PCDHA6: variants seen among roughly 807,000 people sequenced by gnomAD.
PCDHA6 encodes the protein protocadherin alpha-6.
PCDHA6 carries 55 observed loss-of-function variants against 60.3 expected under a neutral mutation model. That is an observed-to-expected ratio of 0.91 (90% CI 0.73 to 1.14). PCDHA6 has a LOEUF of 1.14. PCDHA6 is among the 50% of genes most tolerant of loss of function. The pLI, the probability that PCDHA6 is intolerant of heterozygous loss-of-function variation, is 0.00. For synonymous variants in PCDHA6, 652 were observed against 557.9 expected (o/e 1.17, Z -2.38); for missense variants, 1,327 against 1,256.5 (o/e 1.06, Z -0.85).
Position 140,850,457 on chromosome 5 carries a change from C to T in PCDHA6, c.2394+19972C>T, listed in dbSNP as rs2041615283. On this transcript the variant is annotated intron_variant, in intron 1 of 3. Transcript: ENST00000529310. ...GCCTACTGGTGCTGGTGAAAGACCA[C>T]GGGGAGCCAGCGCTGACGGCCACGG... is the stretch of plus-strand genomic sequence containing the variant. 8.1e-6 allele frequency: 13 copies of T among 1,597,684 alleles called. 1 individual carries two copies. Among genetic ancestry groups the T allele is most frequent in the Non-Finnish European group, 1.1e-5 (13 of 1,167,628 alleles).
At chr5:140,887,249 A>AC (rs1367463344) in intron 1 of PCDHA6, among the ~76,000 whole-genome samples, 3 of 151,838 alleles carry the variant, frequency 2.0e-5, no homozygotes, top group Non-Finnish European at 4.4e-5. Context: ...GGCGCCCGCC[A>AC]CCACGCCCTG....
chr5:140,949,161 C>T (rs2094347975), intron 1 of PCDHA6, among the ~76,000 whole-genome samples: 1 of 151,598 alleles, frequency 6.6e-6, no homozygotes, highest in Admixed American at 6.6e-5. Context: ...TAATCTAATT[C>T]TCTTTTGGTC....
chr5:140,899,606 A>G (rs1330407383), intron 1 of PCDHA6, among the ~76,000 whole-genome samples: 1 of 152,168 alleles, frequency 6.6e-6, no homozygotes, highest in Non-Finnish European at 1.5e-5. Flanking sequence ...GGACTTTTGC[A>G]TCAATGTTCA....
chr5:140,928,185 C>T (rs371901224), intron 1 of PCDHA6: 1 of 1,614,064 alleles, frequency 6.2e-7, no homozygotes, highest in Non-Finnish European at 8.5e-7. Flanking sequence ...GAAGGACAAT[C>T]ACTGTGTCAG....
At chr5:140,951,737 C>T (rs1223539805) in intron 1 of PCDHA6, among the ~76,000 whole-genome samples, 1 of 152,130 alleles carries the variant, frequency 6.6e-6, no homozygotes, top group Non-Finnish European at 1.5e-5. Context: ...CATTCTGCCA[C>T]TGCCCTCACC....
At position 140,828,161 on chromosome 5, in the gene PCDHA6, T is replaced by A; in HGVS notation, c.70T>A (p.Trp24Arg). ...CCTCCCGCTTCTGCTCCTCGCAGCCTGGAAGGTGGGGAGCGGCCAGCTCCA... is the reference window on the plus strand; with the variant it reads ...CCTCCCGCTTCTGCTCCTCGCAGCCAGGAAGGTGGGGAGCGGCCAGCTCCA... ...LLLPLLLLAAWKVGSGQLHYS... is the reference protein window; with the variant it reads ...LLLPLLLLAARKVGSGQLHYS... The change falls in exon 1 of 4, where the codon TGG becomes AGG. Residue 24 changes from tryptophan to arginine, a missense_variant. Trp to Arg is a moderately radical substitution (Grantham distance 101, BLOSUM62 -3). Transcript: ENST00000529310. 1.2e-6 allele frequency: 2 copies of A among 1,614,176 alleles called. No individual in the cohort carries two copies. The highest frequency in any genetic ancestry group is 1.7e-6 in the Non-Finnish European group (2 of 1,180,018).
intron 3 of PCDHA6, among the ~76,000 whole-genome samples, chr5:140,985,288 A>G (rs1007960248): frequency 1.3e-5 from 2 of 152,112 alleles, no homozygotes; most frequent in African/African-American, 4.8e-5. Flanking sequence ...AATCTATGAT[A>G]TAGTGTTGGC....
chr5:140,836,131 G>A (rs1554135629), intron 1 of PCDHA6: 2 of 1,613,752 alleles, frequency 1.2e-6, no homozygotes, highest in Admixed American at 1.7e-5. Context: ...CTTGTGCCGC[G>A]GTCTGTGGGC....
intron 1 of PCDHA6, chr5:140,884,465 G>C (rs782791774): frequency 1.2e-6 from 2 of 1,613,634 alleles, no homozygotes; most frequent in Admixed American, 3.3e-5. Context: ...GGGCGCGTGC[G>C]CGCCGGGCAA....
chr5:140,838,613 A>T (rs1460772587), intron 1 of PCDHA6, among the ~76,000 whole-genome samples: 2 of 152,032 alleles, frequency 1.3e-5, no homozygotes, highest in African/African-American at 4.8e-5. Context: ...ACTTTTAAAA[A>T]TTTTTTACAA....
intron 1 of PCDHA6, among the ~76,000 whole-genome samples, chr5:140,909,331 G>T (rs1162078506): frequency 6.6e-6 from 1 of 152,226 alleles, no homozygotes; most frequent in Admixed American, 6.5e-5. Context: ...ATCAATGGTT[G>T]CATACCAGGT....
chr5:140,838,214 A>C (rs1211623203), intron 1 of PCDHA6, among the ~76,000 whole-genome samples: 1 of 149,876 alleles, frequency 6.7e-6, no homozygotes, highest in Non-Finnish European at 1.5e-5. Context: ...CTCTGGTACA[A>C]GCAGTTCTCA....
chr5:140,997,921 G>T lies in PCDHA6; in HGVS notation c.2543-11706G>T, dbSNP rs553205382. On this transcript the variant is annotated intron_variant, in intron 3 of 3. Coordinates refer to ENST00000529310, the MANE Select transcript of PCDHA6 (RefSeq NM_018909.4). ...CAAGAAGTAGAATTACAGAATCATA[G>T]GATATAAAAATATCAAATTGGCAAA... is the stretch of plus-strand genomic sequence containing the variant. Among the ~76,000 whole-genome samples the T allele has an allele frequency of 1.1e-4, 16 of 152,200 alleles. No homozygotes were observed. The South Asian group carries it at 3.3e-3, about 32-fold the overall frequency.
chr5:140,928,231 C>T (rs2085058715), intron 1 of PCDHA6: 2 of 1,614,108 alleles, frequency 1.2e-6, no homozygotes, highest in South Asian at 2.2e-5. Context: ...AAACTTTCCT[C>T]AACCCCAGCA....
chr5:140,850,559 C>A, intron 1 of PCDHA6: 3 of 1,598,268 alleles, frequency 1.9e-6, no homozygotes, highest in Non-Finnish European at 2.6e-6. Flanking sequence ...GTGCCACGGG[C>A]CCCGAGGTGA....
chr5:140,941,191 T>TTTTTTC (rs1554213809), intron 1 of PCDHA6, among the ~76,000 whole-genome samples: 1 of 93,206 alleles, frequency 1.1e-5, no homozygotes, highest in African/African-American at 3.9e-5. Context: ...GCTTCTTTTT[T>TTTTTTC]TTTCTTTCTT....
In PCDHA6 at chr5:140,857,500, G is replaced by A; in HGVS notation, c.2394+27015G>A. On this transcript the variant is annotated intron_variant, in intron 1 of 3. Transcript: ENST00000529310. The stretch of plus-strand genomic sequence containing the variant: ...TGTCTGCGTGGGACGCGGACGCGCA[G>A]GAGAACGCCCTGGTGTCCTACTCTC... 1.3e-6 allele frequency: 2 copies of A among 1,598,362 alleles called. 1 individual carries two copies. Among genetic ancestry groups the A allele is most frequent in the Non-Finnish European group, 1.7e-6 (2 of 1,167,860 alleles).
rs2150236532 is a variant in PCDHA6, at chr5:140,835,484, C to G, written c.2394+4999C>G. The G allele has an allele frequency of 8.7e-6, 14 of 1,613,926 alleles. 1 individual carries two copies. The highest frequency in any genetic ancestry group is 1.6e-4 in the Middle Eastern group (1 of 6,062). ...TTCCAGAGGACGCCCAACCAGGTAC[C>G]GTCATCACATTGATTAGCGTGTTTG... On this transcript the variant is annotated intron_variant, in intron 1 of 3. Coordinates refer to ENST00000529310, the MANE Select transcript of PCDHA6 (RefSeq NM_018909.4).
At chr5:140,991,682 C>G (rs1234700322) in intron 3 of PCDHA6, among the ~76,000 whole-genome samples, 2 of 152,170 alleles carry the variant, frequency 1.3e-5, no homozygotes, top group Non-Finnish European at 2.9e-5. Context: ...TCTGAGTCCT[C>G]TCTAGTAGAG....
Sources: allele counts gnomAD v4.1 joint callset (sites outside exome capture counted in the v4.1 genomes callset), GRCh38; gene constraint gnomAD v4.1.1; transcripts MANE v1.5; gene names NCBI Gene and HGNC (gene_info 2026-07-23, HGNC 2026-07-21).